DENND4A: variants seen among roughly 807,000 people sequenced by gnomAD.
DENND4A encodes DENN domain containing 4A, also known as C-myc promoter-binding protein.
A neutral mutation model predicts 199.3 loss-of-function variants in DENND4A; 70 were observed. The observed-to-expected ratio is 0.35, with a 90% CI of 0.29 to 0.43. The LOEUF (loss-of-function observed/expected upper bound fraction) is 0.43, where lower values mean the gene tolerates loss of function less well. Among genes scored for constraint, DENND4A ranks in the 20% least tolerant of loss-of-function variants. The pLI, the probability that DENND4A is intolerant of heterozygous loss-of-function variation, is 1.00. For missense variants in DENND4A, 1,723 were observed against 2,255.8 expected (o/e 0.76, Z 4.78); for synonymous variants, 686 against 766.9 (o/e 0.89, Z 1.74).
At chr15:65,719,881 T>C (rs548194556) in intron 12 of DENND4A, among the ~76,000 whole-genome samples, 72 of 152,100 alleles carry the variant, frequency 4.7e-4, no homozygotes, top group Non-Finnish European at 8.7e-4. Flanking sequence ...GGTGACACAG[T>C]GAGACACCCT....
intron 23 of DENND4A, among the ~76,000 whole-genome samples, chr15:65,686,383 T>A (rs1371907386): frequency 6.6e-6 from 1 of 152,214 alleles, no homozygotes; most frequent in Non-Finnish European, 1.5e-5. Context: ...AGTAGCTGAT[T>A]GTGTTGCTGA....
Position 65,737,868 on chromosome 15 carries a change from A to G in DENND4A, c.879T>C (p.Gly293=), listed in dbSNP as rs1172597762. The change falls in exon 7 of 33, where the codon GGT becomes GGC. Residue 293 remains glycine (G), a synonymous_variant. Coordinates refer to ENST00000443035, the MANE Select transcript of DENND4A (RefSeq NM_001320835.1). ...CAGACTTCCCATCTGCTGATGTTAA[A>G]CCCAAAAGAAGTCTCTGCTTTTCTG... is the stretch of plus-strand genomic sequence containing the variant. The part of the protein sequence containing the change: ...NLTEKQRLLL[G]LTSADGKSDS... 5 of 1,605,084 alleles carry G rather than the reference A, an allele frequency of 3.1e-6. No homozygotes were observed. The highest frequency in any genetic ancestry group is 4.3e-6 in the Non-Finnish European group (5 of 1,175,350).
chr15:65,722,108 C>A (rs1466824183), intron 12 of DENND4A, among the ~76,000 whole-genome samples: 1 of 152,144 alleles, frequency 6.6e-6, no homozygotes, highest in Non-Finnish European at 1.5e-5. Flanking sequence ...AAAGCTCTTA[C>A]CCCACTGATA....
chr15:65,769,198 TAC>T (rs3082834), intron 1 of DENND4A, among the ~76,000 whole-genome samples: 13,179 of 146,062 alleles, frequency 0.09, 577 homozygotes, highest in Middle Eastern at 0.14. Context: ...ATATAAGGTA[TAC>T]ACACACACAC....
At chr15:65,790,026 G>A (rs529044779) in intron 1 of DENND4A, among the ~76,000 whole-genome samples, 1 of 152,262 alleles carries the variant, frequency 6.6e-6, no homozygotes, top group South Asian at 2.1e-4. Context: ...GGTGGTGCAC[G>A]CCTGTAGTCC....
intron 24 of DENND4A, among the ~76,000 whole-genome samples, chr15:65,674,270 T>C (rs1166495571): frequency 6.6e-6 from 1 of 152,196 alleles, no homozygotes; most frequent in Non-Finnish European, 1.5e-5. Context: ...AAACACTTCA[T>C]AAAAGATACA....
At chr15:65,762,429 G>T (rs1420622396) in intron 1 of DENND4A, among the ~76,000 whole-genome samples, 1 of 152,104 alleles carries the variant, frequency 6.6e-6, no homozygotes, top group East Asian at 1.9e-4. Flanking sequence ...TTCAAAGCCA[G>T]CCTGGGCAAT....
intron 23 of DENND4A, among the ~76,000 whole-genome samples, chr15:65,686,462 T>C (rs1239047123): frequency 1.3e-5 from 2 of 152,242 alleles, no homozygotes; most frequent in African/African-American, 4.8e-5. Flanking sequence ...TACTCAGATT[T>C]AGAACTCCCC....
At chr15:65,705,221 GGAA>G (rs1789634396) in intron 15 of DENND4A, among the ~76,000 whole-genome samples, 1 of 151,962 alleles carries the variant, frequency 6.6e-6, no homozygotes, top group African/African-American at 2.4e-5. Flanking sequence ...ATCTGTAAAA[GGAA>G]GAATTTAATC....
At chr15:65,772,708 A>C in intron 1 of DENND4A, among the ~76,000 whole-genome samples, 1 of 48,096 alleles carries the variant, frequency 2.1e-5, no homozygotes, top group Non-Finnish European at 4.5e-5. Flanking sequence ...CTCCGTCTCA[A>C]AAAAAAAAAA....
At chr15:65,788,956 T>C (rs1055175087) in intron 1 of DENND4A, among the ~76,000 whole-genome samples, 2 of 151,260 alleles carry the variant, frequency 1.3e-5, no homozygotes, top group Non-Finnish European at 2.9e-5. Context: ...AGGGATAACA[T>C]CTCTTACTAT....
intron 23 of DENND4A, among the ~76,000 whole-genome samples, chr15:65,681,959 T>A (rs756176603): frequency 2.6e-5 from 4 of 152,200 alleles, no homozygotes; most frequent in Non-Finnish European, 5.9e-5. Flanking sequence ...GAGCAGTAGG[T>A]CTCAACAATG....
chr15:65,730,072 T>G (rs528649985), intron 9 of DENND4A, among the ~76,000 whole-genome samples: 2 of 152,164 alleles, frequency 1.3e-5, no homozygotes, highest in Non-Finnish European at 2.9e-5. Context: ...ATGGCCTATC[T>G]TCCACTGTAA....
At position 65,772,222 on chromosome 15, in the gene DENND4A, G is replaced by A; in HGVS notation, c.-101-10784C>T. ...ATGTTTGGTGACTTAAAGGTCTAGA[G>A]ACAGGAAATCATGACTCTGATTCTC... On this transcript the variant is annotated intron_variant, in intron 1 of 32. Coordinates refer to ENST00000443035, the MANE Select transcript of DENND4A (RefSeq NM_001320835.1). 3 of 595,314 alleles carry A rather than the reference G, an allele frequency of 5.0e-6. No homozygotes were observed. The South Asian group carries it at 6.8e-5, about 13-fold the overall frequency. 36.9% of individuals were successfully genotyped at this position (595,314 alleles called of 1,614,324 possible).
Position 65,737,730 on chromosome 15 carries a change from C to A in DENND4A, c.1017G>T (p.Gly339=). The A allele has an allele frequency of 6.3e-7, 1 of 1,577,948 alleles. No individual in the cohort carries two copies. Among genetic ancestry groups the A allele is most frequent in the Non-Finnish European group, 8.6e-7 (1 of 1,161,360 alleles). Residue 339 remains glycine, a synonymous_variant, in exon 7 of 33, where the codon GGG becomes GGT. Coordinates refer to ENST00000443035, the MANE Select transcript of DENND4A (RefSeq NM_001320835.1). The part of the protein sequence containing the change: ...LTFLYRYSIS[G]PHVLPIEKHI... The stretch of plus-strand genomic sequence containing the variant: ...ACTTCTCAATTGGAAGGACATGAGG[C>A]CCAGAGATGGAATAACGATACAGAA...
rs1271248408 is a variant in DENND4A at position 65,701,048 on chromosome 15, T to C, written c.2701+3A>G. 6.2e-7 allele frequency: 1 copy of C among 1,604,248 alleles called. No individual in the cohort carries two copies. Among genetic ancestry groups the C allele is most frequent in the African/African-American group, 1.3e-5 (1 of 74,642 alleles). On this transcript the variant is annotated splice_donor_region_variant and intron_variant, in intron 19 of 32. Coordinates refer to ENST00000443035, the MANE Select transcript of DENND4A (RefSeq NM_001320835.1). ...GAACAAGTAAAACACATACATCCCT[T>C]ACCTGAGAGAGTTGTTTGTGATAAG...
intron 13 of DENND4A, among the ~76,000 whole-genome samples, chr15:65,715,909 A>T (rs2140258607): frequency 6.6e-6 from 1 of 152,230 alleles, no homozygotes; most frequent in Middle Eastern, 3.4e-3. Context: ...CTTTTCCCCT[A>T]AAAGCTTTGC....
chr15:65,748,926 G>A (rs192640386), intron 4 of DENND4A, among the ~76,000 whole-genome samples: 163 of 150,808 alleles, frequency 1.1e-3, no homozygotes, highest in Non-Finnish European at 3.5e-4. Flanking sequence ...CCAAGAGGTC[G>A]AGGCTACAAT....
At chr15:65,785,472 A>G (rs8034789) in intron 1 of DENND4A, among the ~76,000 whole-genome samples, 5,631 of 150,322 alleles carry the variant, frequency 0.037, 370 homozygotes, top group African/African-American at 0.13. Flanking sequence ...CCTGGGTGAC[A>G]GAGCAACATC....
Sources: gnomAD v4.1 joint callset for allele counts (sites outside exome capture counted in the v4.1 genomes callset) on GRCh38, gnomAD v4.1.1 for gene constraint, MANE v1.5 for transcripts, NCBI Gene and HGNC (gene_info 2026-07-23, HGNC 2026-07-21) for gene names.